The following COL4A6 variants were observed in gnomAD, a reference collection of about 807,000 sequenced individuals.
COL4A6 encodes the protein collagen alpha-6(IV) chain.
In COL4A6, 59 loss-of-function variants were observed where a neutral mutation model predicts 126.7. That is an observed-to-expected ratio of 0.47 (90% CI 0.38 to 0.58). The LOEUF is 0.58. Ranked by LOEUF, COL4A6 falls within the 20% of genes least tolerant of loss-of-function variation. The probability of loss-of-function intolerance (pLI) is 0.00; values close to 1 mark genes in which losing one functional copy is unlikely to be tolerated. For missense variants in COL4A6, 1,285 were observed against 1,337.3 expected (o/e 0.96, Z 0.61); for synonymous variants, 547 against 496.6 (o/e 1.10, Z -1.35).
At chrX:108,368,311 C>T (rs947714152) in intron 2 of COL4A6, among the ~76,000 whole-genome samples, 3 of 111,153 alleles carry the variant, frequency 2.7e-5, no homozygotes, top group African/African-American at 9.8e-5. Context: ...CATATCAAAA[C>T]CTAGAAAAGG....
At chrX:108,226,786 T>C (rs2036178612) in intron 3 of COL4A6, among the ~76,000 whole-genome samples, 1 of 110,644 alleles carries the variant, frequency 9.0e-6, no homozygotes, top group African/African-American at 3.3e-5. Flanking sequence ...TTCCCTCATC[T>C]CCCACATCCG....
chrX:108,335,633 A>G (rs766168863), intron 2 of COL4A6, among the ~76,000 whole-genome samples: 1 of 111,543 alleles, frequency 9.0e-6, no homozygotes, highest in East Asian at 2.8e-4. Flanking sequence ...ACATATATAT[A>G]CACATACATA....
chrX:108,238,856 T>C (rs967520343), intron 3 of COL4A6, among the ~76,000 whole-genome samples: 7 of 111,488 alleles, frequency 6.3e-5, no homozygotes, highest in African/African-American at 2.3e-4. Context: ...AAACACTTGG[T>C]GTTATCTGAC....
rs1367597041 is a variant in COL4A6, at chrX:108,187,061, T to C, written c.1951+35A>G. On this transcript the variant is annotated intron_variant, in intron 23 of 44. Transcript: ENST00000334504. The stretch of plus-strand genomic sequence containing the variant: ...ATAACCACTCTACAAGGGGTCAAAT[T>C]TCCAAGTCCAAAGCCATCTGATTCT... 2.8e-6 allele frequency: 3 copies of C among 1,081,977 alleles called. No homozygotes were observed. In the African/African-American group the frequency reaches 5.5e-5, roughly 20 times the overall value. The allele number at this position is 1,081,977 out of a possible 1,213,427, so 89.2% of individuals were successfully genotyped here. A position where few individuals can be genotyped will look rare whatever the true frequency, so the allele number is the denominator to read the frequency against.
chrX:108,161,277 T>C (rs975242145), intron 42 of COL4A6, among the ~76,000 whole-genome samples: 11 of 111,359 alleles, frequency 9.9e-5, no homozygotes, highest in Non-Finnish European at 1.9e-4. Flanking sequence ...AACATCCCCC[T>C]CTCATGTGTG....
chrX:108,310,933 T>A, intron 2 of COL4A6, 105 bp from the exon 3 acceptor site: 1 of 596,936 alleles, frequency 1.7e-6, no homozygotes, highest in South Asian at 2.9e-5. Context: ...TATTGCGGCT[T>A]AATGATCTTA....
intron 3 of COL4A6, among the ~76,000 whole-genome samples, chrX:108,232,244 T>C (rs147829259): frequency 5.0e-3 from 556 of 112,147 alleles, no homozygotes; most frequent in African/African-American, 0.018. Context: ...AACACATTCA[T>C]AAAACTATTA....
intron 38 of COL4A6, 40 bp from the exon 39 acceptor site, chrX:108,165,078 C>G: frequency 8.7e-7 from 1 of 1,150,485 alleles, no homozygotes; most frequent in Non-Finnish European, 1.2e-6. Flanking sequence ...GGCAGGTGAA[C>G]AGGTAGTAGC....
intron 2 of COL4A6, among the ~76,000 whole-genome samples, chrX:108,410,492 A>C (rs774024878): frequency 9.0e-6 from 1 of 111,415 alleles, no homozygotes; most frequent in Non-Finnish European, 1.9e-5. Flanking sequence ...ACACTTTTCT[A>C]AATTAAATAA....
intron 2 of COL4A6, among the ~76,000 whole-genome samples, chrX:108,425,603 G>A (rs954313929): frequency 2.8e-5 from 3 of 108,824 alleles, no homozygotes; most frequent in African/African-American, 6.7e-5. Context: ...GCATGGTGAC[G>A]GGTGCCTGTA....
At chrX:108,189,976 A>C in intron 20 of COL4A6, among the ~76,000 whole-genome samples, 1 of 112,597 alleles carries the variant, frequency 8.9e-6, no homozygotes, top group Non-Finnish European at 1.9e-5. Context: ...GTCATTGATC[A>C]GTTCTCCAAC....
rs57901693 is a variant in COL4A6, at chrX:108,376,607, A to AAAAATAAAAT, written c.63+61325_63+61334dup. Among the ~76,000 whole-genome samples the AAAAATAAAAT allele has an allele frequency of 1.8e-3, 204 of 110,896 alleles. 3 individuals carry two copies. The East Asian group carries it at 0.027, about 15-fold the overall frequency. ...CAACAGGAGTGAAACTCTGTCTCAAAAAAATAAAATAAAATAAAATAAAAT... is the reference window on the plus strand; with the variant it reads ...CAACAGGAGTGAAACTCTGTCTCAAAAAAATAAAATAAAATAAAATAAAATAAAATAAAAT... On this transcript the variant is annotated intron_variant, in intron 2 of 44. Transcript: ENST00000334504.
chrX:108,397,606 C>T (rs2040993439), intron 2 of COL4A6, among the ~76,000 whole-genome samples: 1 of 94,665 alleles, frequency 1.1e-5, no homozygotes, highest in Admixed American at 1.2e-4. Flanking sequence ...AAATATTAGG[C>T]AAAAAGAACA....
chrX:108,267,394 T>C (rs1408918107), intron 3 of COL4A6, among the ~76,000 whole-genome samples: 1 of 112,371 alleles, frequency 8.9e-6, no homozygotes, highest in African/African-American at 3.2e-5. Context: ...GGATTAGGAA[T>C]GTGGACATCT....
chrX:108,376,945 CAG>C (rs1180765713), intron 2 of COL4A6, among the ~76,000 whole-genome samples: 1 of 112,426 alleles, frequency 8.9e-6, no homozygotes, highest in African/African-American at 3.2e-5. Flanking sequence ...GAAACAGACA[CAG>C]AGAAAAAGTG....
At chrX:108,408,961 CA>C (rs1481350503) in intron 2 of COL4A6, among the ~76,000 whole-genome samples, 1 of 111,457 alleles carries the variant, frequency 9.0e-6, no homozygotes, top group African/African-American at 3.3e-5. Flanking sequence ...CACTCTGTCT[CA>C]AAAAAATAAA....
intron 2 of COL4A6, among the ~76,000 whole-genome samples, chrX:108,378,275 TG>T (rs941020362): frequency 9.0e-6 from 1 of 111,553 alleles, no homozygotes; most frequent in Non-Finnish European, 1.9e-5. Flanking sequence ...GGGAGCTTTT[TG>T]TTTGTTTCTT....
rs2035129430 is a variant in COL4A6, at chrX:108,193,741, T to G, written c.1003-44A>C. 4 of 1,064,530 alleles carry G rather than the reference T, an allele frequency of 3.8e-6. No homozygotes were observed. In the Admixed American group the frequency reaches 9.1e-5, roughly 24 times the overall value. 87.7% of individuals were successfully genotyped at this position (1,064,530 alleles called of 1,213,427 possible). On this transcript the variant is annotated intron_variant, in intron 16 of 44. Coordinates refer to ENST00000334504, the MANE Select transcript of COL4A6 (RefSeq NM_033641.4). ...TTAAACACAAATATTTCCATTTCCT[T>G]ATTACCCAAGATCTATGTGCCATTA...
intron 13 of COL4A6, among the ~76,000 whole-genome samples, chrX:108,200,234 A>T (rs2035348246): frequency 8.9e-6 from 1 of 112,890 alleles, no homozygotes; most frequent in Non-Finnish European, 1.9e-5. Context: ...GATTAATTTA[A>T]ATGATATATT....
Sources: gnomAD v4.1 joint callset for allele counts (sites outside exome capture counted in the v4.1 genomes callset) on GRCh38, gnomAD v4.1.1 for gene constraint, MANE v1.5 for transcripts, NCBI Gene and HGNC (gene_info 2026-07-23, HGNC 2026-07-21) for gene names.